CHRM2: variants seen among roughly 807,000 people sequenced by gnomAD.
The protein encoded by CHRM2 is muscarinic acetylcholine receptor M2.
Under a neutral mutation model 25.0 loss-of-function variants are expected in CHRM2, and 8 were observed. The observed-to-expected ratio is 0.32, with a 90% CI of 0.19 to 0.58. The LOEUF (loss-of-function observed/expected upper bound fraction) is 0.58. Among genes scored for constraint, CHRM2 ranks in the 20% least tolerant of loss-of-function variants. CHRM2 has a pLI of 0.88. For synonymous variants in CHRM2, 202 were observed against 205.7 expected (o/e 0.98, Z 0.15); for missense variants, 440 against 567.1 (o/e 0.78, Z 2.28).
Position 136,913,210 on chromosome 7 carries a change from AT to A in CHRM2, c.-125+43793del, listed in dbSNP as rs142338389. Among the ~76,000 whole-genome samples the A allele has an allele frequency of 6.3e-3, 953 of 152,082 alleles. 6 individuals carry two copies. The highest frequency in any genetic ancestry group is 0.022 in the African/African-American group (909 of 41,542). On this transcript the variant is annotated intron_variant, in intron 2 of 3. Transcript: ENST00000680005. ...ACAGATTATTCCATTAATTTACATA[AT>A]AAATGCCTTTGAGCATCTTCTTTGT...
chr7:137,015,463 A>T lies in CHRM2; in HGVS notation c.598A>T (p.Ile200Phe). Reference sequence around the variant, plus strand: ...TATTGCAGCCTTCTATTTGCCAGTGATCATCATGACTGTGCTATATTGGCA... The same window carrying T: ...TATTGCAGCCTTCTATTTGCCAGTGTTCATCATGACTGTGCTATATTGGCA... ...TAIAAFYLPV[I>F]IMTVLYWHIS... Residue 200 changes from isoleucine (I) to phenylalanine (F), a missense_variant, in exon 4 of 4, where the codon ATC becomes TTC. Ile to Phe is a conservative substitution (Grantham distance 21). Around this residue, in one of 5 missense-constraint regions of CHRM2, gnomAD observed 261 missense variants for 261.8 expected, o/e 1.00. Transcript: ENST00000680005. This position sits in a 1 kb window ranked among gnomAD's most constrained non-coding sequence, Gnocchi z 5.1. 3.7e-6 allele frequency: 6 copies of T among 1,613,288 alleles called. No individual in the cohort carries two copies. The highest frequency in any genetic ancestry group is 5.1e-6 in the Non-Finnish European group (6 of 1,179,616).
rs904984398 is a variant in CHRM2, at chr7:137,018,561, G to T, written c.*2295G>T. 1 of 151,822 alleles carries T rather than the reference G, an allele frequency of 6.6e-6. No individual in the cohort carries two copies. The highest frequency in any genetic ancestry group is 2.4e-5 in the African/African-American group (1 of 41,390). The allele number at this position is 151,822 out of a possible 1,614,324, so 9.4% of individuals were successfully genotyped here. On this transcript the variant is annotated 3_prime_UTR_variant, in exon 4 of 4. Coordinates refer to ENST00000680005, the MANE Select transcript of CHRM2 (RefSeq NM_001006630.2). ...ATTGTATTATTATTATGTAGATTTG[G>T]CTTCAGTTGGGAAGAACCCTTTGGC... is the stretch of plus-strand genomic sequence containing the variant.
At chr7:136,972,506 A>T (rs1489623850) in intron 2 of CHRM2, among the ~76,000 whole-genome samples, 2 of 152,318 alleles carry the variant, frequency 1.3e-5, no homozygotes, top group East Asian at 1.9e-4. Flanking sequence ...TTTCCAGGCC[A>T]GTGATTCCAT....
intron 2 of CHRM2, among the ~76,000 whole-genome samples, chr7:136,977,982 C>T (rs933097700): frequency 6.6e-6 from 1 of 151,954 alleles, no homozygotes; most frequent in African/African-American, 2.4e-5. Context: ...ATTCCCGTAC[C>T]ATTTACTGCA....
intron 3 of CHRM2, among the ~76,000 whole-genome samples, chr7:136,994,748 A>T (rs1803478291): frequency 6.6e-6 from 1 of 150,760 alleles, no homozygotes; most frequent in East Asian, 1.9e-4. Context: ...AATATATTAA[A>T]TTTTTTAGAT....
chr7:136,913,103 G>A (rs1797929725), intron 2 of CHRM2, among the ~76,000 whole-genome samples: 1 of 151,868 alleles, frequency 6.6e-6, no homozygotes, highest in Non-Finnish European at 1.5e-5. Context: ...TATAACTACT[G>A]CATTTATAAT....
chr7:136,884,427 A>C (rs1796380537), intron 2 of CHRM2, among the ~76,000 whole-genome samples: 1 of 151,884 alleles, frequency 6.6e-6, no homozygotes, highest in East Asian at 1.9e-4. Context: ...TTCATCCTAA[A>C]GGCTTGATAA....
At position 136,921,790 on chromosome 7, in the gene CHRM2, C is replaced by CTTTTTTTTTTTTTTTTTTT. The variant is rs201063228; in HGVS notation, c.-125+52375_-125+52376insTTTTTTTTTTTTTTTTTTT. Among the ~76,000 whole-genome samples the CTTTTTTTTTTTTTTTTTTT allele has an allele frequency of 2.5e-4, 28 of 114,068 alleles. No individual in the cohort carries two copies. The East Asian group carries it at 5.3e-3, about 22-fold the overall frequency. 74.8% of individuals were successfully genotyped at this position (114,068 alleles called of 152,430 possible). A position where few individuals can be genotyped will look rare whatever the true frequency, so the allele number is the denominator to read the frequency against. On this transcript the variant is annotated intron_variant, in intron 2 of 3. Transcript: ENST00000680005. ...ATTTTCTTTCTTTCTTTCTTTCTTT[C>CTTTTTTTTTTTTTTTTTTT]TTTCTTTTTTTTGAGACAGATTCTC...
chr7:136,993,255 T>C (rs1803353756), intron 3 of CHRM2, among the ~76,000 whole-genome samples: 1 of 152,114 alleles, frequency 6.6e-6, no homozygotes, highest in Admixed American at 6.6e-5. Flanking sequence ...TATAACATGC[T>C]CTTGCTTCAG....
At chr7:136,973,395 ACGG>A in intron 2 of CHRM2, among the ~76,000 whole-genome samples, 1 of 80,272 alleles carries the variant, frequency 1.2e-5, no homozygotes, top group Admixed American at 1.1e-4. Context: ...GCAGGTGATG[ACGG>A]TGACGGTGTT....
intron 2 of CHRM2, among the ~76,000 whole-genome samples, chr7:136,935,841 C>T (rs915763680): frequency 1.1e-4 from 16 of 152,176 alleles, no homozygotes; most frequent in Middle Eastern, 6.8e-3. Context: ...AACCTTAGTC[C>T]TCTGGAAATC....
At chr7:136,882,235 T>C (rs945317299) in intron 2 of CHRM2, among the ~76,000 whole-genome samples, 5 of 152,084 alleles carry the variant, frequency 3.3e-5, no homozygotes, top group African/African-American at 4.8e-5. Flanking sequence ...CCTCTTCACA[T>C]GGACCTACTG....
rs180902871 is a variant in CHRM2, at chr7:136,965,098, C to T, written c.-124-27089C>T. 3.7e-3 allele frequency among the ~76,000 whole-genome samples: 559 copies of T among 152,140 alleles called. 3 individuals carry two copies. The highest frequency in any genetic ancestry group is 0.012 in the African/African-American group (515 of 41,536). On this transcript the variant is annotated intron_variant, in intron 2 of 3. Transcript: ENST00000680005. ...AAGTCTAGATATCTATGAATTAATG[C>T]AGACATGTATATTGTGGTGAGCTTT...
chr7:137,010,851 C>T (rs1432684961), intron 3 of CHRM2, among the ~76,000 whole-genome samples: 1 of 151,836 alleles, frequency 6.6e-6, no homozygotes, highest in Non-Finnish European at 1.5e-5. Context: ...TCATCACTGT[C>T]CTGCTGCCTA....
intron 2 of CHRM2, among the ~76,000 whole-genome samples, chr7:136,946,512 T>C (rs1033898527): frequency 1.3e-5 from 2 of 152,180 alleles, no homozygotes; most frequent in Non-Finnish European, 2.9e-5. Context: ...TGTATCTCAA[T>C]AAACCGTACT....
At chr7:136,877,919 G>A (rs1161305357) in intron 2 of CHRM2, among the ~76,000 whole-genome samples, 2 of 151,970 alleles carry the variant, frequency 1.3e-5, no homozygotes, top group Admixed American at 1.3e-4. Context: ...GAACTCTTTA[G>A]GAGGAATGTG....
At chr7:136,917,012 T>A (rs1328658475) in intron 2 of CHRM2, among the ~76,000 whole-genome samples, 1 of 151,994 alleles carries the variant, frequency 6.6e-6, no homozygotes, top group East Asian at 1.9e-4. Flanking sequence ...CCCGCTCTCC[T>A]GACCATTGTA....
chr7:136,902,186 C>T (rs1364300447), intron 2 of CHRM2: 3 of 150,672 alleles, frequency 2.0e-5, no homozygotes, highest in Admixed American at 6.6e-5. Flanking sequence ...TCCTTTTAAA[C>T]TCATCTATCT....
At chr7:137,011,192 T>C (rs1393337582) in intron 3 of CHRM2, among the ~76,000 whole-genome samples, 1 of 134,828 alleles carries the variant, frequency 7.4e-6, no homozygotes, top group African/African-American at 3.5e-5. Context: ...GATATATGTG[T>C]ACGTGTGTGT....
Sources: allele counts gnomAD v4.1 joint callset (sites outside exome capture counted in the v4.1 genomes callset), GRCh38; gene constraint gnomAD v4.1.1; regional missense constraint gnomAD v4.1.1; non-coding constraint Gnocchi (gnomAD v3.1); transcripts MANE v1.5; gene names NCBI Gene and HGNC (gene_info 2026-07-23, HGNC 2026-07-21).